RRAGD: variants seen among roughly 807,000 people sequenced by gnomAD.
RRAGD encodes Ras related GTP binding D, also known as ras-related GTP-binding protein D.
RRAGD carries 12 observed loss-of-function variants against 35.5 expected under a neutral mutation model. That is an observed-to-expected ratio of 0.34 (90% CI 0.22 to 0.55). The LOEUF is 0.55. RRAGD is among the 20% of genes least tolerant of loss of function. RRAGD has a pLI of 0.91. For missense variants in RRAGD, 324 were observed against 490.1 expected, an observed-to-expected ratio of 0.66 and a Z score of 3.20; for synonymous variants, 155 against 178.9, an observed-to-expected ratio of 0.87 and a Z score of 1.07.
chr6:89,377,888 T>C (rs1405210821), intron 4 of RRAGD, 75 bp from the exon 5 acceptor site: 3 of 1,073,152 alleles, frequency 2.8e-6, no homozygotes, highest in African/African-American at 3.2e-5. Flanking sequence ...CAAAATTGAA[T>C]GCCATTCTTA....
At chr6:89,405,353 C>CAAA (rs56252416) in intron 1 of RRAGD, among the ~76,000 whole-genome samples, 2,649 of 51,524 alleles carry the variant, frequency 0.051, 142 homozygotes, top group Non-Finnish European at 0.08. Context: ...GACTCCGTCT[C>CAAA]AAAAAAAAAA....
chr6:89,380,459 C>CGTATTTCGGGGGGTTGCAG, intron 2 of RRAGD, 92 bp from the exon 3 acceptor site: 1 of 1,076,370 alleles, frequency 9.3e-7, no homozygotes, highest in African/African-American at 1.6e-5. Context: ...GTGGCTGCAA[C>CGTATTTCGGGGGGTTGCAG]CCCCCGAAAT....
chr6:89,411,888 C>T lies in RRAGD; in HGVS notation c.106G>A (p.Asp36Asn). 1 of 1,546,950 alleles carries T rather than the reference C, an allele frequency of 6.5e-7. No individual in the cohort carries two copies. Among genetic ancestry groups the T allele is most frequent in the East Asian group, 2.4e-5 (1 of 41,298 alleles). ...CTGTCCGGATCGGCGTCGGAGGAGT[C>T]GGGCCCGTCTCCGTAGTCCGCTAGC... is the stretch of plus-strand genomic sequence containing the variant. Reference protein sequence around the residue: ...VGLADYGDGPDSSDADPDSGT... With the variant: ...VGLADYGDGPNSSDADPDSGT... The change falls in exon 1 of 7, where the codon GAC becomes AAC. Residue 36 changes from aspartate (D) to asparagine (N), a missense_variant. Coordinates refer to ENST00000369415, the MANE Select transcript of RRAGD (RefSeq NM_021244.5). This position sits in a 1 kb window ranked among gnomAD's most constrained non-coding sequence, Gnocchi z 5.6.
At position 89,411,499 on chromosome 6, in the gene RRAGD, C is replaced by T. The variant is rs1769692156; in HGVS notation, c.148+347G>A. On this transcript the variant is annotated intron_variant, in intron 1 of 6. Coordinates refer to ENST00000369415, the MANE Select transcript of RRAGD (RefSeq NM_021244.5). The surrounding 1 kb of genome is among the most constrained non-coding windows in gnomAD (Gnocchi z 5.6). The stretch of plus-strand genomic sequence containing the variant: ...GAGGTCCCAGGGCGCGCCCGCGGTC[C>T]CCTCCCCTCCCCAACCGCCAGACGC... 2 of 267,630 alleles carry T rather than the reference C, an allele frequency of 7.5e-6. No individual in the cohort carries two copies. Among genetic ancestry groups the T allele is most frequent in the East Asian group, 8.6e-5 (1 of 11,658 alleles). The allele number at this position is 267,630 out of a possible 1,614,324, so 16.6% of individuals were successfully genotyped here. A position where few individuals can be genotyped will look rare whatever the true frequency, so the allele number is the denominator to read the frequency against.
At chr6:89,397,535 C>T (rs1482992385) in intron 1 of RRAGD, among the ~76,000 whole-genome samples, 8 of 150,970 alleles carry the variant, frequency 5.3e-5, no homozygotes, top group Admixed American at 3.3e-4. Flanking sequence ...ACCCGGGAGG[C>T]GGAGCTTGCA....
At position 89,367,982 on chromosome 6, in the gene RRAGD, C is replaced by T; in HGVS notation, c.*74G>A. 2 of 1,345,000 alleles carry T rather than the reference C, an allele frequency of 1.5e-6. No individual in the cohort carries two copies. Among genetic ancestry groups the T allele is most frequent in the Non-Finnish European group, 2.0e-6 (2 of 1,000,818 alleles). 83.3% of individuals were successfully genotyped at this position (1,345,000 alleles called of 1,614,324 possible). A position where few individuals can be genotyped will look rare whatever the true frequency, so the allele number is the denominator to read the frequency against. Reference sequence around the variant, plus strand: ...TATGTGTCCCAATCTCCTTCTTCCTCTTCCTTTAGTGCAACATGGCGCAGC... The same window carrying T: ...TATGTGTCCCAATCTCCTTCTTCCTTTTCCTTTAGTGCAACATGGCGCAGC... On this transcript the variant is annotated 3_prime_UTR_variant, in exon 7 of 7. Coordinates refer to ENST00000369415, the MANE Select transcript of RRAGD (RefSeq NM_021244.5).
intron 1 of RRAGD, among the ~76,000 whole-genome samples, chr6:89,398,239 G>A: frequency 6.6e-6 from 1 of 152,126 alleles, no homozygotes; most frequent in East Asian, 1.9e-4. Context: ...TGGAAGTGAT[G>A]GATATGTTCT....
At position 89,365,594 on chromosome 6, in the gene RRAGD, A is replaced by G. The variant is rs1475020314; in HGVS notation, c.*2462T>C. The G allele has an allele frequency of 6.6e-6, 1 of 152,198 alleles. No individual in the cohort carries two copies. Among genetic ancestry groups the G allele is most frequent in the Middle Eastern group, 3.2e-3 (1 of 316 alleles). 9.4% of individuals were successfully genotyped at this position (152,198 alleles called of 1,614,324 possible). A position where few individuals can be genotyped will look rare whatever the true frequency, so the allele number is the denominator to read the frequency against. ...TTAAGAAGTCATTGCCACACTTACA[A>G]AGTTAGAGGCAGTAATCTATATTAG... On this transcript the variant is annotated 3_prime_UTR_variant, in exon 7 of 7. Coordinates refer to ENST00000369415, the MANE Select transcript of RRAGD (RefSeq NM_021244.5).
chr6:89,403,163 C>T (rs543895997), intron 1 of RRAGD, among the ~76,000 whole-genome samples: 15 of 152,134 alleles, frequency 9.9e-5, no homozygotes, highest in Non-Finnish European at 1.6e-4. Flanking sequence ...AACTGTCGGC[C>T]GGGCGCGGTG....
chr6:89,393,152 T>C (rs1338145211), intron 1 of RRAGD, among the ~76,000 whole-genome samples: 1 of 152,222 alleles, frequency 6.6e-6, no homozygotes, highest in Non-Finnish European at 1.5e-5. Flanking sequence ...ATAGAAATGT[T>C]GTGCATAATA....
intron 2 of RRAGD, among the ~76,000 whole-genome samples, chr6:89,380,796 A>G (rs2127887985): frequency 6.6e-6 from 1 of 151,918 alleles, no homozygotes; most frequent in Non-Finnish European, 1.5e-5. Flanking sequence ...AGTCCCAGCT[A>G]CTCGGGAGGC....
chr6:89,410,717 G>A (rs1347364189), intron 1 of RRAGD, among the ~76,000 whole-genome samples: 2 of 152,230 alleles, frequency 1.3e-5, no homozygotes, highest in Admixed American at 6.5e-5. Flanking sequence ...TGAAAGTCGT[G>A]CCTGCCAGAT....
chr6:89,403,453 A>C (rs191700869), intron 1 of RRAGD, among the ~76,000 whole-genome samples: 1,621 of 151,996 alleles, frequency 0.011, 15 homozygotes, highest in Non-Finnish European at 0.015. Context: ...AAAAAAAAAA[A>C]CAAAAAACTG....
At chr6:89,383,795 T>C (rs571070573) in intron 2 of RRAGD, among the ~76,000 whole-genome samples, 29 of 152,120 alleles carry the variant, frequency 1.9e-4, no homozygotes, top group Middle Eastern at 3.4e-3. Context: ...AAAATAAAAA[T>C]ATGAGGAGTG....
chr6:89,395,100 A>T (rs556848364), intron 1 of RRAGD, among the ~76,000 whole-genome samples: 6 of 152,156 alleles, frequency 3.9e-5, no homozygotes, highest in Non-Finnish European at 7.4e-5. Context: ...CTACAAAAAA[A>T]ATTTAAAAAT....
At chr6:89,403,324 A>T (rs1178740020) in intron 1 of RRAGD, among the ~76,000 whole-genome samples, 1 of 152,178 alleles carries the variant, frequency 6.6e-6, no homozygotes, top group East Asian at 1.9e-4. Context: ...GGGCGCCTGT[A>T]GTCCCAGCTA....
At chr6:89,404,769 C>G (rs371265222) in intron 1 of RRAGD, among the ~76,000 whole-genome samples, 1 of 152,130 alleles carries the variant, frequency 6.6e-6, no homozygotes. Context: ...AACAGGGCTG[C>G]CTGGGGACCC....
chr6:89,379,650 C>T (rs140777868), intron 3 of RRAGD, among the ~76,000 whole-genome samples: 1,802 of 152,362 alleles, frequency 0.012, 26 homozygotes, highest in Non-Finnish European at 0.017. Context: ...GCCAGATCAT[C>T]TTTACACAAG....
rs1040636835 is a variant in RRAGD, at chr6:89,391,294, A to G, written c.149-3704T>C. On this transcript the variant is annotated intron_variant, in intron 1 of 6. Coordinates refer to ENST00000369415, the MANE Select transcript of RRAGD (RefSeq NM_021244.5). ...CAGCTACTCAGGAGACCAAGGTGGAAGGATCCCTTGAGCCCAGTGGCTCGA... is the reference window on the plus strand; with the variant it reads ...CAGCTACTCAGGAGACCAAGGTGGAGGGATCCCTTGAGCCCAGTGGCTCGA... Among the ~76,000 whole-genome samples, 9 of 152,020 alleles carry G rather than the reference A, an allele frequency of 5.9e-5. No individual in the cohort carries two copies. The South Asian group carries it at 1.9e-3, about 32-fold the overall frequency.
Sources: gnomAD v4.1 joint callset for allele counts (sites outside exome capture counted in the v4.1 genomes callset) on GRCh38, gnomAD v4.1.1 for gene constraint, Gnocchi (gnomAD v3.1) non-coding constraint, MANE v1.5 for transcripts, NCBI Gene and HGNC (gene_info 2026-07-23, HGNC 2026-07-21) for gene names.